Variants in IRF2 observed in about 807,000 individuals in gnomAD.
IRF2 encodes the protein interferon regulatory factor 2.
In IRF2, 15 loss-of-function variants were observed where a neutral mutation model predicts 40.6. That is an observed-to-expected ratio of 0.37 (90% CI 0.25 to 0.57). IRF2 has a LOEUF of 0.57. Among genes scored for constraint, IRF2 ranks in the 20% least tolerant of loss-of-function variants. The pLI, the probability that IRF2 is intolerant of heterozygous loss-of-function variation, is 0.77. For missense variants in IRF2, 317 were observed against 455.7 expected (o/e 0.70, Z 2.77); for synonymous variants, 151 against 165.5 (o/e 0.91, Z 0.67).
At chr4:184,406,883 G>A (rs1224511650) in intron 6 of IRF2, among the ~76,000 whole-genome samples, 3 of 152,174 alleles carry the variant, frequency 2.0e-5, no homozygotes, top group Non-Finnish European at 4.4e-5. Flanking sequence ...CCCGAAAAAA[G>A]AATATCCTAC....
intron 6 of IRF2, among the ~76,000 whole-genome samples, chr4:184,404,209 G>A (rs548060610): frequency 4.6e-5 from 7 of 152,268 alleles, no homozygotes; most frequent in Non-Finnish European, 7.4e-5. Flanking sequence ...CCAGGTAGCT[G>A]CAGAGTCAAG....
chr4:184,459,849 T>A (rs539413177), intron 1 of IRF2, among the ~76,000 whole-genome samples: 1 of 152,134 alleles, frequency 6.6e-6, no homozygotes, highest in African/African-American at 2.4e-5. Flanking sequence ...AACAAAAAGA[T>A]AATAATAACA....
intron 1 of IRF2, among the ~76,000 whole-genome samples, chr4:184,454,178 C>G (rs1738829372): frequency 1.3e-5 from 2 of 152,312 alleles, no homozygotes; most frequent in Middle Eastern, 3.4e-3. Flanking sequence ...CAGGCTGGCC[C>G]TCAGGATCTG....
chr4:184,431,936 AC>A (rs1259700522), intron 1 of IRF2: 1 of 149,746 alleles, frequency 6.7e-6, no homozygotes, highest in Non-Finnish European at 1.5e-5. Flanking sequence ...TATTCAGGTG[AC>A]CCCCTCCAGC....
intron 1 of IRF2, among the ~76,000 whole-genome samples, chr4:184,435,237 C>T (rs563915405): frequency 1.1e-3 from 169 of 152,296 alleles, no homozygotes; most frequent in Admixed American, 4.6e-3. Flanking sequence ...CTGCCTTCAT[C>T]GTACTTTAGA....
chr4:184,405,890 C>T (rs1736835652), intron 6 of IRF2, among the ~76,000 whole-genome samples: 1 of 152,162 alleles, frequency 6.6e-6, no homozygotes, highest in Admixed American at 6.5e-5. Flanking sequence ...ACTCCACTGC[C>T]CAGGTCTCTC....
intron 1 of IRF2, among the ~76,000 whole-genome samples, chr4:184,445,828 C>T (rs913515854): frequency 6.6e-6 from 1 of 152,120 alleles, no homozygotes; most frequent in African/African-American, 2.4e-5. Flanking sequence ...TGAACAGTGG[C>T]CCCCCAACAT....
In IRF2 at chr4:184,408,186, AT is replaced by A; in HGVS notation, c.500del (p.Asn167MetfsTer7). The A allele has an allele frequency of 1.2e-6, 2 of 1,610,528 alleles. No individual in the cohort carries two copies. The highest frequency in any genetic ancestry group is 1.7e-6 in the Non-Finnish European group (2 of 1,176,708). On this transcript the variant is annotated frameshift_variant, in exon 6 of 9. Transcript: ENST00000393593. LOFTEE classifies it high-confidence loss of function. The surrounding 1 kb of genome is among the most constrained non-coding windows in gnomAD (Gnocchi z 4.9). ...TGATGTTCACCGTACTATCCACTTC[AT>A]TTTTTATAGTTGAAGTCAGGACCGC... ...EYAVLTSTIK[N>X]EVDSTVNIIV...
chr4:184,434,791 A>G (rs1738018950), intron 1 of IRF2, among the ~76,000 whole-genome samples: 1 of 152,248 alleles, frequency 6.6e-6, no homozygotes, highest in African/African-American at 2.4e-5. Flanking sequence ...ATTAACAGTG[A>G]GGTTGAATTT....
intron 8 of IRF2, among the ~76,000 whole-genome samples, chr4:184,390,283 C>G (rs793775): frequency 0.72 from 110,256 of 152,154 alleles, 40,372 homozygotes; most frequent in African/African-American, 0.81. Context: ...CGGGTCACAG[C>G]GGGAGGGAAC....
At chr4:184,394,078 G>C (rs1429474449) in intron 7 of IRF2, among the ~76,000 whole-genome samples, 1 of 152,182 alleles carries the variant, frequency 6.6e-6, no homozygotes, top group Admixed American at 6.5e-5. Flanking sequence ...GAATACAATG[G>C]AATAAAGAAG....
At chr4:184,402,468 C>T (rs3775550) in intron 6 of IRF2, among the ~76,000 whole-genome samples, 7,391 of 152,228 alleles carry the variant, frequency 0.049, 184 homozygotes, top group South Asian at 0.069. Flanking sequence ...TGCTGGTTAA[C>T]GCTATATACC....
Position 184,407,902 on chromosome 4 carries a change from C to G in IRF2, c.529+256G>C, listed in dbSNP as rs192017072. ...AAGACTGGGATCGCTAGCCACGAGC[C>G]GCCGGGAAACAAACATTTTTCCTGG... is the stretch of plus-strand genomic sequence containing the variant. On this transcript the variant is annotated intron_variant, in intron 6 of 8. Transcript: ENST00000393593. Among the ~76,000 whole-genome samples, 14 of 152,268 alleles carry G rather than the reference C, an allele frequency of 9.2e-5. No individual in the cohort carries two copies. The East Asian group carries it at 2.7e-3, about 29-fold the overall frequency.
intron 7 of IRF2, among the ~76,000 whole-genome samples, chr4:184,397,580 G>T (rs1215448744): frequency 6.6e-6 from 1 of 152,064 alleles, no homozygotes; most frequent in Non-Finnish European, 1.5e-5. Context: ...TAGACTTAGT[G>T]GCTGATAATT....
At chr4:184,438,839 C>A (rs925394806) in intron 1 of IRF2, among the ~76,000 whole-genome samples, 7 of 152,056 alleles carry the variant, frequency 4.6e-5, no homozygotes, top group African/African-American at 1.4e-4. Context: ...ATAACAGGAC[C>A]CCCTATATGA....
intron 5 of IRF2, among the ~76,000 whole-genome samples, chr4:184,411,172 C>G (rs1265815284): frequency 6.6e-6 from 1 of 152,028 alleles, no homozygotes; most frequent in African/African-American, 2.4e-5. Flanking sequence ...ATTCTCCTGC[C>G]TCAGCCTCCC....
At chr4:184,456,699 G>A (rs1738950325) in intron 1 of IRF2, among the ~76,000 whole-genome samples, 2 of 152,240 alleles carry the variant, frequency 1.3e-5, no homozygotes, top group Non-Finnish European at 2.9e-5. Context: ...AGGCGCCTCT[G>A]TGTCTGGACA....
At chr4:184,404,571 T>C (rs1211688396) in intron 6 of IRF2, among the ~76,000 whole-genome samples, 2 of 152,180 alleles carry the variant, frequency 1.3e-5, no homozygotes, top group Non-Finnish European at 2.9e-5. Flanking sequence ...CCAATCTATA[T>C]AGAAATTGAA....
chr4:184,409,076 G>A (rs932700199), intron 5 of IRF2, among the ~76,000 whole-genome samples: 14 of 152,044 alleles, frequency 9.2e-5, no homozygotes, highest in South Asian at 2.1e-4. Context: ...GCCTGTGGAC[G>A]TTCAGCTCTC....
Sources: allele counts gnomAD v4.1 joint callset (sites outside exome capture counted in the v4.1 genomes callset), GRCh38; gene constraint gnomAD v4.1.1; non-coding constraint Gnocchi (gnomAD v3.1); transcripts MANE v1.5; gene names NCBI Gene and HGNC (gene_info 2026-07-23, HGNC 2026-07-21).